The following WNT11 variants were observed in gnomAD, a reference collection of about 807,000 sequenced individuals.
WNT11 encodes Wnt family member 11.
Under a neutral mutation model 35.6 loss-of-function variants are expected in WNT11, and 20 were observed. That is an observed-to-expected ratio of 0.56 (90% CI 0.40 to 0.82). The LOEUF (loss-of-function observed/expected upper bound fraction) is 0.82. WNT11 is among the 40% of genes least tolerant of loss of function. WNT11 has a pLI of 0.00. For missense variants in WNT11, 459 were observed against 504.4 expected, an observed-to-expected ratio of 0.91 and a Z score of 0.86; for synonymous variants, 200 against 211.9, an observed-to-expected ratio of 0.94 and a Z score of 0.49.
At position 76,193,125 on chromosome 11, in the gene WNT11, G is replaced by A. The variant is rs1035452584; in HGVS notation, c.598-1269C>T. On this transcript the variant is annotated intron_variant, in intron 3 of 4. Coordinates refer to ENST00000322563, the MANE Select transcript of WNT11 (RefSeq NM_004626.3). ...GTCAGCAGGACTGCAGGGCACCGAG[G>A]CACTGGTGAGCCATCGAGGGCAGGT... Among the ~76,000 whole-genome samples, 6 of 152,250 alleles carry A rather than the reference G, an allele frequency of 3.9e-5. No individual in the cohort carries two copies. The South Asian group carries it at 1.0e-3, about 26-fold the overall frequency.
intron 4 of WNT11, among the ~76,000 whole-genome samples, chr11:76,189,912 G>T (rs1379117905): frequency 6.6e-6 from 1 of 152,228 alleles, no homozygotes; most frequent in Non-Finnish European, 1.5e-5. Context: ...GGTCCCCCTA[G>T]GGAAGGACCG....
intron 1 of WNT11, among the ~76,000 whole-genome samples, chr11:76,199,763 C>A (rs1233765630): frequency 6.6e-6 from 1 of 152,168 alleles, no homozygotes; most frequent in African/African-American, 2.4e-5. Context: ...TGCACTCCAG[C>A]CTGGCGATAG....
chr11:76,196,404 C>T (rs1953286895), intron 2 of WNT11, 79 bp downstream of exon 2: 10 of 1,523,286 alleles, frequency 6.6e-6, no homozygotes, highest in Non-Finnish European at 8.1e-6. Flanking sequence ...ACCCATCCCT[C>T]CATCTAAACA....
upstream of WNT11, chr11:76,206,992 A>G (rs1165114966): frequency 1.3e-5 from 2 of 152,272 alleles, no homozygotes; most frequent in African/African-American, 4.8e-5. Context: ...GGCCTCGGCA[A>G]TTCTCCTTCC....
Position 76,195,087 on chromosome 11 carries a change from C to T in WNT11, c.320-243G>A, listed in dbSNP as rs1465972155. On this transcript the variant is annotated intron_variant, in intron 2 of 4. Coordinates refer to ENST00000322563, the MANE Select transcript of WNT11 (RefSeq NM_004626.3). The stretch of plus-strand genomic sequence containing the variant: ...TCACCCACGTCCTCCTACTCACACT[C>T]ACAGCTCTAGGCTTCCACCCACTTG... The T allele has an allele frequency of 1.1e-5, 6 of 521,904 alleles. No individual in the cohort carries two copies. The East Asian group carries it at 1.8e-4, about 15-fold the overall frequency. The allele number at this position is 521,904 out of a possible 1,614,324, so 32.3% of individuals were successfully genotyped here.
At chr11:76,207,988 G>GAA (rs1953499571), upstream of WNT11, among the ~76,000 whole-genome samples, 1 of 152,234 alleles carries the variant, frequency 6.6e-6, no homozygotes, top group South Asian at 2.1e-4. Flanking sequence ...TGGGGAGTTG[G>GAA]AAAAGGAGGC....
intron 1 of WNT11, among the ~76,000 whole-genome samples, chr11:76,202,706 C>T (rs1223165971): frequency 6.6e-6 from 1 of 152,230 alleles, no homozygotes; most frequent in Non-Finnish European, 1.5e-5. Flanking sequence ...CAGCTTGGGG[C>T]TGCAGCTGCC....
upstream of WNT11, chr11:76,210,432 C>A: frequency 6.1e-6 from 6 of 985,362 alleles, no homozygotes; most frequent in Non-Finnish European, 7.2e-6. Flanking sequence ...CTGGCGGGTC[C>A]CCGCTGAGCG....
In WNT11 at chr11:76,197,798, G is replaced by A. The variant is rs143641417; in HGVS notation, c.84-1080C>T. Among the ~76,000 whole-genome samples, 89 of 152,068 alleles carry A rather than the reference G, an allele frequency of 5.9e-4. 1 individual carries two copies. The highest frequency in any genetic ancestry group is 2.0e-3 in the African/African-American group (84 of 41,468). On this transcript the variant is annotated intron_variant, in intron 1 of 4. Transcript: ENST00000322563. ...AGACTCTAGGACCAGGCCCCTCCTCGATCTGCCGTTCTCCTAGGCCTTCTC... is the reference window on the plus strand; with the variant it reads ...AGACTCTAGGACCAGGCCCCTCCTCAATCTGCCGTTCTCCTAGGCCTTCTC...
Position 76,191,674 on chromosome 11 carries a change from G to C in WNT11, c.780C>G (p.Pro260=). The C allele has an allele frequency of 3.1e-6, 5 of 1,614,034 alleles. No individual in the cohort carries two copies. The highest frequency in any genetic ancestry group is 4.2e-6 in the Non-Finnish European group (5 of 1,180,046). ...RPMGTRKHLV[P]KDLDIRPVKD... ...TCACAGGCCGGATATCCAGGTCCTTGGGCACCAGGTGCTTGCGGGTGCCCA... is the reference window on the plus strand; with the variant it reads ...TCACAGGCCGGATATCCAGGTCCTTCGGCACCAGGTGCTTGCGGGTGCCCA... The change falls in exon 4 of 5, where the codon CCC becomes CCG. Residue 260 remains proline, a synonymous_variant. Coordinates refer to ENST00000322563, the MANE Select transcript of WNT11 (RefSeq NM_004626.3).
At chr11:76,198,415 C>T (rs1953321284) in intron 1 of WNT11, among the ~76,000 whole-genome samples, 1 of 152,158 alleles carries the variant, frequency 6.6e-6, no homozygotes, top group South Asian at 2.1e-4. Flanking sequence ...CAGGGCCCCT[C>T]AAAGCCTGGC....
Position 76,194,365 on chromosome 11 carries a change from C to T in WNT11, c.597+202G>A, listed in dbSNP as rs921806480. Among the ~76,000 whole-genome samples, 2 of 151,872 alleles carry T rather than the reference C, an allele frequency of 1.3e-5. No individual in the cohort carries two copies. The highest frequency in any genetic ancestry group is 2.1e-4 in the South Asian group (1 of 4,814). Reference sequence around the variant, plus strand: ...CTTGGACAACCCAAACCCCAGTGGACGCCTTGGAGGAGGAAAGCGACACAA... The same window carrying T: ...CTTGGACAACCCAAACCCCAGTGGATGCCTTGGAGGAGGAAAGCGACACAA... On this transcript the variant is annotated intron_variant, in intron 3 of 4. Transcript: ENST00000322563. This position sits in a 1 kb window ranked among gnomAD's most constrained non-coding sequence, Gnocchi z 5.4.
upstream of WNT11, chr11:76,210,441 C>A: frequency 4.1e-6 from 4 of 985,370 alleles, no homozygotes; most frequent in Non-Finnish European, 4.8e-6. Context: ...CCCCGCTGAG[C>A]GGCTGCCCGC....
At chr11:76,193,257 T>G (rs1398710039) in intron 3 of WNT11, among the ~76,000 whole-genome samples, 1 of 152,238 alleles carries the variant, frequency 6.6e-6, no homozygotes, top group Non-Finnish European at 1.5e-5. Flanking sequence ...CCCTGCACCT[T>G]GCAGGGACAC....
In WNT11 at chr11:76,191,967, G is replaced by A. The variant is rs1039989751; in HGVS notation, c.598-111C>T. 2.0e-5 allele frequency: 26 copies of A among 1,318,714 alleles called. 2 individuals carry two copies. In the South Asian group the frequency reaches 3.9e-4, roughly 20 times the overall value. 81.7% of individuals were successfully genotyped at this position (1,318,714 alleles called of 1,614,324 possible). On this transcript the variant is annotated intron_variant, in intron 3 of 4. Coordinates refer to ENST00000322563, the MANE Select transcript of WNT11 (RefSeq NM_004626.3). The stretch of plus-strand genomic sequence containing the variant: ...GGGTGCTCTCAGGGAGTCACTGCCT[G>A]CTGGAGTCTGAAGTGATAGAGCTTT...
At chr11:76,193,445 G>A (rs1257333276) in intron 3 of WNT11, among the ~76,000 whole-genome samples, 3 of 152,232 alleles carry the variant, frequency 2.0e-5, no homozygotes, top group Non-Finnish European at 2.9e-5. Context: ...GGTGGTGGGC[G>A]TGCTGGCCGC....
In WNT11 at chr11:76,196,957, T is replaced by C. The variant is rs1028173672; in HGVS notation, c.84-239A>G. ...CTCTCTGGGCCTCAGGCCCTATTCA[T>C]AACATAGGATCACAACCCCATCCTA... On this transcript the variant is annotated intron_variant, in intron 1 of 4. Transcript: ENST00000322563. 5.9e-5 allele frequency among the ~76,000 whole-genome samples: 9 copies of C among 152,240 alleles called. No individual in the cohort carries two copies. In the East Asian group the frequency reaches 1.7e-3, roughly 29 times the overall value.
Position 76,194,469 on chromosome 11 carries a change from T to TCCCCCCGCA in WNT11, c.597+89_597+97dup. 1 of 1,366,766 alleles carries TCCCCCCGCA rather than the reference T, an allele frequency of 7.3e-7. No homozygotes were observed. Among genetic ancestry groups the TCCCCCCGCA allele is most frequent in the Non-Finnish European group, 9.6e-7 (1 of 1,044,320 alleles). 84.7% of individuals were successfully genotyped at this position (1,366,766 alleles called of 1,614,324 possible). ...TCAGGTGTGGGCCAGTCAGGGCCCGTCCCCCCGCACCCCCCACCACTGGGG... is the reference window on the plus strand; with the variant it reads ...TCAGGTGTGGGCCAGTCAGGGCCCGTCCCCCCGCACCCCCCGCACCCCCCACCACTGGGG... On this transcript the variant is annotated intron_variant, in intron 3 of 4. Transcript: ENST00000322563. The surrounding 1 kb of genome is among the most constrained non-coding windows in gnomAD (Gnocchi z 5.4).
chr11:76,194,990 C>T lies in WNT11; in HGVS notation c.320-146G>A, dbSNP rs1160589825. 4.0e-6 allele frequency: 4 copies of T among 1,001,806 alleles called. No homozygotes were observed. The highest frequency in any genetic ancestry group is 5.3e-5 in the East Asian group (2 of 37,578). The allele number at this position is 1,001,806 out of a possible 1,614,324, so 62.1% of individuals were successfully genotyped here. ...CACTAGGGCCATTGAGATGTCACCC[C>T]TGCTTCCCCAATTCCTTCTGAATAT... On this transcript the variant is annotated intron_variant, in intron 2 of 4. Transcript: ENST00000322563. This position sits in a 1 kb window ranked among gnomAD's most constrained non-coding sequence, Gnocchi z 5.4.
Sources: gnomAD v4.1 joint callset for allele counts (sites outside exome capture counted in the v4.1 genomes callset) on GRCh38, gnomAD v4.1.1 for gene constraint, Gnocchi (gnomAD v3.1) non-coding constraint, MANE v1.5 for transcripts, NCBI Gene and HGNC (gene_info 2026-07-23, HGNC 2026-07-21) for gene names.